FYTTD1: variants seen among roughly 807,000 people sequenced by gnomAD.
FYTTD1 encodes the protein UAP56-interacting factor.
FYTTD1 carries 22 observed loss-of-function variants against 40.9 expected under a neutral mutation model. The ratio of observed to expected loss-of-function variants is 0.54; its 90% CI spans 0.38 to 0.77. The LOEUF (loss-of-function observed/expected upper bound fraction) is 0.77, where lower values mean the gene tolerates loss of function less well. Among genes scored for constraint, FYTTD1 ranks in the 30% least tolerant of loss-of-function variants. FYTTD1 has a pLI of 0.00. For missense variants in FYTTD1, 351 were observed against 392.2 expected (o/e 0.90, Z 0.89); for synonymous variants, 140 against 137.9 (o/e 1.01, Z -0.10).
intron 2 of FYTTD1, among the ~76,000 whole-genome samples, chr3:197,764,034 A>G (rs1330746864): frequency 6.6e-6 from 1 of 152,158 alleles, no homozygotes; most frequent in East Asian, 1.9e-4. Flanking sequence ...GATGATTCTG[A>G]TACCTAACTG....
intron 4 of FYTTD1, among the ~76,000 whole-genome samples, chr3:197,771,417 G>T (rs374897696): frequency 3.3e-5 from 5 of 152,120 alleles, no homozygotes; most frequent in Admixed American, 6.5e-5. Flanking sequence ...CAGCACTTTG[G>T]GGGGCTAAAG....
intron 1 of FYTTD1, among the ~76,000 whole-genome samples, chr3:197,754,856 G>T (rs1013027095): frequency 5.9e-5 from 9 of 152,112 alleles, no homozygotes; most frequent in Admixed American, 3.3e-4. Context: ...TTGTGGAGAT[G>T]AGGTTTTGCT....
Position 197,785,340 on chromosome 3 carries a change from C to T in FYTTD1, c.*3431C>T, listed in dbSNP as rs1184963397. 1 of 152,166 alleles carries T rather than the reference C, an allele frequency of 6.6e-6. No individual in the cohort carries two copies. Among genetic ancestry groups the T allele is most frequent in the East Asian group, 1.9e-4 (1 of 5,198 alleles). The allele number at this position is 152,166 out of a possible 1,614,324, so 9.4% of individuals were successfully genotyped here. A position where few individuals can be genotyped will look rare whatever the true frequency, so the allele number is the denominator to read the frequency against. ...AAACGAAAAGTTGGCCCACTGTGTA[C>T]ATGGATTTTCCATTCCAAGATGTTT... is the stretch of plus-strand genomic sequence containing the variant. On this transcript the variant is annotated 3_prime_UTR_variant, in exon 9 of 9. Coordinates refer to ENST00000241502, the MANE Select transcript of FYTTD1 (RefSeq NM_032288.7).
intron 7 of FYTTD1, 74 bp downstream of exon 7, chr3:197,777,075 T>C: frequency 1.1e-6 from 1 of 890,056 alleles, no homozygotes; most frequent in Non-Finnish European, 1.8e-6. Context: ...ATTGGACTTC[T>C]GCTCAGAGAA....
chr3:197,767,025 A>G (rs919381816), intron 2 of FYTTD1, among the ~76,000 whole-genome samples: 2 of 151,862 alleles, frequency 1.3e-5, no homozygotes, highest in Non-Finnish European at 2.9e-5. Flanking sequence ...TTTGTACTTT[A>G]TGTGTTTCTA....
chr3:197,749,915 G>A lies in FYTTD1; in HGVS notation c.-57G>A, dbSNP rs985730736. 4 of 1,154,950 alleles carry A rather than the reference G, an allele frequency of 3.5e-6. No homozygotes were observed. Among genetic ancestry groups the A allele is most frequent in the South Asian group, 1.6e-5 (1 of 63,672 alleles). The allele number at this position is 1,154,950 out of a possible 1,614,324, so 71.5% of individuals were successfully genotyped here. A position where few individuals can be genotyped will look rare whatever the true frequency, so the allele number is the denominator to read the frequency against. On this transcript the variant is annotated 5_prime_UTR_variant, in exon 1 of 9. Transcript: ENST00000241502. ...CGGGCTGCGTGCGCGAGTGGGAGGTGGCAGGCCTGCGACTCCGGCCTTGTC... is the reference window on the plus strand; with the variant it reads ...CGGGCTGCGTGCGCGAGTGGGAGGTAGCAGGCCTGCGACTCCGGCCTTGTC...
intron 8 of FYTTD1, among the ~76,000 whole-genome samples, chr3:197,780,563 G>C (rs548675246): frequency 9.4e-4 from 141 of 149,898 alleles, no homozygotes; most frequent in African/African-American, 3.1e-3. Context: ...TTTTTTTTGA[G>C]ATGGAGTCTT....
rs1729804501 is a variant in FYTTD1 at position 197,774,188 on chromosome 3, G to T, written c.634G>T (p.Val212Leu). ...QLNTEQLLDD[V>L]VAKRTRQWRT... Reference sequence around the variant, plus strand: ...GAATACAGAACAACTGCTAGACGATGTAGTAGCAAAGAGAACTCGTCAGTA... The same window carrying T: ...GAATACAGAACAACTGCTAGACGATTTAGTAGCAAAGAGAACTCGTCAGTA... The change falls in exon 6 of 9, where the codon GTA becomes TTA. Residue 212 changes from valine (V) to leucine (L), a missense_variant. Transcript: ENST00000241502. The T allele has an allele frequency of 6.2e-7, 1 of 1,614,014 alleles. No individual in the cohort carries two copies. The highest frequency in any genetic ancestry group is 1.3e-5 in the African/African-American group (1 of 75,050).
intron 2 of FYTTD1, among the ~76,000 whole-genome samples, chr3:197,759,904 C>T (rs113861985): frequency 0.028 from 4,058 of 144,194 alleles, 92 homozygotes; most frequent in East Asian, 0.054. Context: ...TAGGGTGTTC[C>T]TCAGTGGTAG....
Position 197,783,838 on chromosome 3 carries a change from T to G in FYTTD1, c.*1929T>G, listed in dbSNP as rs1448385179. On this transcript the variant is annotated 3_prime_UTR_variant, in exon 9 of 9. Transcript: ENST00000241502. ...GTATAGAGCTATTCATGCCATTTTT[T>G]GGGAAAACTTTAAAAATTGCCCCAA... 1 of 152,622 alleles carries G rather than the reference T, an allele frequency of 6.6e-6. No individual in the cohort carries two copies. Among genetic ancestry groups the G allele is most frequent in the African/African-American group, 2.4e-5 (1 of 41,456 alleles). 9.5% of individuals were successfully genotyped at this position (152,622 alleles called of 1,614,324 possible). A position where few individuals can be genotyped will look rare whatever the true frequency, so the allele number is the denominator to read the frequency against.
chr3:197,772,157 T>G (rs1027024135), intron 4 of FYTTD1, among the ~76,000 whole-genome samples: 3 of 152,194 alleles, frequency 2.0e-5, no homozygotes, highest in African/African-American at 7.2e-5. Context: ...CATCATCTTT[T>G]GGGAATCACT....
chr3:197,765,396 A>C (rs1162890874), intron 2 of FYTTD1, among the ~76,000 whole-genome samples: 2 of 152,190 alleles, frequency 1.3e-5, no homozygotes, highest in African/African-American at 4.8e-5. Flanking sequence ...AGTACTCAGC[A>C]CAGTGCCTAG....
At position 197,786,353 on chromosome 3, in the gene FYTTD1, G is replaced by A. The variant is rs1230850151; in HGVS notation, c.*4444G>A. On this transcript the variant is annotated 3_prime_UTR_variant, in exon 9 of 9. Coordinates refer to ENST00000241502, the MANE Select transcript of FYTTD1 (RefSeq NM_032288.7). The stretch of plus-strand genomic sequence containing the variant: ...TGGTCTCAAACTCCTGACTTCAGGT[G>A]ATCTGCCTGCCTCGGCCTCCCAAAG... 6.6e-6 allele frequency: 1 copy of A among 152,124 alleles called. No homozygotes were observed. The highest frequency in any genetic ancestry group is 1.5e-5 in the Non-Finnish European group (1 of 68,084). The allele number at this position is 152,124 out of a possible 1,614,324, so 9.4% of individuals were successfully genotyped here.
chr3:197,770,151 C>T lies in FYTTD1; in HGVS notation c.404C>T (p.Pro135Leu), dbSNP rs1453764953. 2 of 1,607,086 alleles carry T rather than the reference C, an allele frequency of 1.2e-6. No homozygotes were observed. Among genetic ancestry groups the T allele is most frequent in the African/African-American group, 2.7e-5 (2 of 74,640 alleles). The change falls in exon 4 of 9, where the codon CCA (proline) becomes CTA (leucine). Residue 135 changes from proline (P) to leucine (L), a missense_variant. Coordinates refer to ENST00000241502, the MANE Select transcript of FYTTD1 (RefSeq NM_032288.7). ...LSDKNIEQYF[P>L]VLKRKANLLR... Reference sequence around the variant, plus strand: ...TGATAGAATATAGAACAATATTTTCCAGTGTTAAAAAGGAAGGCAAACCTT... The same window carrying T: ...TGATAGAATATAGAACAATATTTTCTAGTGTTAAAAAGGAAGGCAAACCTT...
intron 1 of FYTTD1, among the ~76,000 whole-genome samples, chr3:197,753,824 C>T (rs1729136336): frequency 6.6e-6 from 1 of 152,034 alleles, no homozygotes; most frequent in African/African-American, 2.4e-5. Flanking sequence ...GGCACGATCT[C>T]GGCTTCCCAG....
chr3:197,782,635 T>G lies in FYTTD1; in HGVS notation c.*726T>G, dbSNP rs1730057524. ...TCCAGTTTTAAAAAATGACAGTTTG[T>G]GTTTAATAAATGAAGGCATGAGAGG... On this transcript the variant is annotated 3_prime_UTR_variant, in exon 9 of 9. Transcript: ENST00000241502. 1 of 152,192 alleles carries G rather than the reference T, an allele frequency of 6.6e-6. No homozygotes were observed. The highest frequency in any genetic ancestry group is 2.1e-4 in the South Asian group (1 of 4,824). 9.4% of individuals were successfully genotyped at this position (152,192 alleles called of 1,614,324 possible). A position where few individuals can be genotyped will look rare whatever the true frequency, so the allele number is the denominator to read the frequency against.
At chr3:197,778,264 G>T (rs1560501064) in intron 7 of FYTTD1, 74 bp from the exon 8 acceptor site, 1 of 1,207,558 alleles carries the variant, frequency 8.3e-7, no homozygotes, top group Admixed American at 2.7e-5. Flanking sequence ...TGTACAAGAT[G>T]TCTTAAGTAC....
chr3:197,751,959 C>T (rs556061401), intron 1 of FYTTD1, among the ~76,000 whole-genome samples: 2 of 150,474 alleles, frequency 1.3e-5, no homozygotes, highest in East Asian at 4.0e-4. Context: ...GCAACCTCCG[C>T]CTCCCGGGTT....
At chr3:197,767,846 C>G (rs1729597677) in intron 2 of FYTTD1, among the ~76,000 whole-genome samples, 1 of 152,208 alleles carries the variant, frequency 6.6e-6, no homozygotes, top group Non-Finnish European at 1.5e-5. Flanking sequence ...TTGGCACTCA[C>G]TGGCAACTTT....
Sources: allele counts gnomAD v4.1 joint callset (sites outside exome capture counted in the v4.1 genomes callset), GRCh38; gene constraint gnomAD v4.1.1; transcripts MANE v1.5; gene names NCBI Gene and HGNC (gene_info 2026-07-23, HGNC 2026-07-21).